The following FIRRM variants were observed in gnomAD, a reference collection of about 807,000 sequenced individuals.
FIRRM encodes the protein FIGNL1 interacting regulator of recombination and mitosis.
chr1:169,843,896 TTCA>T, the FIRRM span: 3 of 624,382 alleles, frequency 4.8e-6, no homozygotes, highest in South Asian at 1.9e-5. Flanking sequence ...TTGACTTGTC[TTCA>T]TCAAGGATAT....
the FIRRM span, chr1:169,829,266 A>G: frequency 5.8e-6 from 9 of 1,556,738 alleles, no homozygotes; most frequent in Non-Finnish European, 7.8e-6. Flanking sequence ...CCTGCAGGAT[A>G]TCTCTACTCA....
At chr1:169,853,621 G>C in the FIRRM span, 136 of 1,349,026 alleles carry the variant, frequency 1.0e-4, no homozygotes, top group Non-Finnish European at 1.4e-4. Flanking sequence ...AGGCCACTTT[G>C]GGGTTTTCTT....
the FIRRM span, among the ~76,000 whole-genome samples, chr1:169,794,195 C>T: frequency 2.0e-5 from 3 of 152,224 alleles, no homozygotes; most frequent in Non-Finnish European, 4.4e-5. Flanking sequence ...GACAGGACAG[C>T]CTAGCTACTT....
the FIRRM span, chr1:169,805,956 C>A: frequency 2.7e-6 from 3 of 1,095,866 alleles, no homozygotes; most frequent in African/African-American, 4.7e-5. Context: ...AGAAACTCAC[C>A]CCCATGACAT....
the FIRRM span, among the ~76,000 whole-genome samples, chr1:169,785,303 C>A: frequency 6.6e-6 from 1 of 152,318 alleles, no homozygotes; most frequent in South Asian, 2.1e-4. Flanking sequence ...CCTGAAAGCC[C>A]AAGTGGGCAT....
chr1:169,798,986 T>G, the FIRRM span: 1 of 958,188 alleles, frequency 1.0e-6, no homozygotes, highest in East Asian at 2.7e-5. Context: ...AACTGTATGA[T>G]GTACTTTGAT....
At chr1:169,853,869 T>C in the FIRRM span, 1 of 1,377,934 alleles carries the variant, frequency 7.3e-7, no homozygotes, top group African/African-American at 1.4e-5. Flanking sequence ...AATTTATCTT[T>C]TGATGCCAGA....
At chr1:169,838,581 C>A in the FIRRM span, among the ~76,000 whole-genome samples, 1 of 152,094 alleles carries the variant, frequency 6.6e-6, no homozygotes, top group East Asian at 1.9e-4. Flanking sequence ...CCTCTGCCTC[C>A]TGGGCTTAAG....
the FIRRM span, chr1:169,853,636 C>T: frequency 1.3e-6 from 2 of 1,522,592 alleles, no homozygotes; most frequent in Non-Finnish European, 1.8e-6. Context: ...TTTCTTGTCC[C>T]AAAGCCTGCT....
the FIRRM span, among the ~76,000 whole-genome samples, chr1:169,816,294 C>A: frequency 6.6e-6 from 1 of 152,156 alleles, no homozygotes; most frequent in African/African-American, 2.4e-5. Context: ...TCTCTTGTTT[C>A]TTCTGAGCAG....
the FIRRM span, among the ~76,000 whole-genome samples, chr1:169,844,535 A>G: frequency 6.6e-6 from 1 of 152,246 alleles, no homozygotes; most frequent in Non-Finnish European, 1.5e-5. Context: ...ATGTGGTGGA[A>G]CAGAAAGGAA....
chr1:169,800,994 T>C, the FIRRM span: 1 of 1,243,040 alleles, frequency 8.0e-7, no homozygotes, highest in Non-Finnish European at 1.2e-6. Flanking sequence ...TACCTGAAAA[T>C]ACATGTTATA....
chr1:169,826,126 G>T, the FIRRM span: 2 of 296,304 alleles, frequency 6.7e-6, no homozygotes, highest in East Asian at 1.0e-4. Flanking sequence ...AGGCTGGAGT[G>T]CAATGGCGAA....
chr1:169,801,445 C>CA, the FIRRM span, among the ~76,000 whole-genome samples: 20,318 of 61,516 alleles, frequency 0.33, 3,348 homozygotes, highest in East Asian at 0.57. Context: ...TGCTCCGTCT[C>CA]AAAAAAAAAA....
At chr1:169,828,162 G>A in the FIRRM span, among the ~76,000 whole-genome samples, 1 of 152,132 alleles carries the variant, frequency 6.6e-6, no homozygotes, top group Admixed American at 6.5e-5. Flanking sequence ...TAGAACACTA[G>A]ACACTGTAAG....
chr1:169,842,569 C>T, the FIRRM span: 1 of 1,596,042 alleles, frequency 6.3e-7, no homozygotes, highest in Non-Finnish European at 8.5e-7. Context: ...CTTTCCTTAT[C>T]AAAAAATAGA....
the FIRRM span, chr1:169,799,017 A>C: frequency 1.5e-6 from 1 of 659,762 alleles, no homozygotes; most frequent in African/African-American, 1.8e-5. Context: ...GAGTCCCCAC[A>C]TACCTCGGTA....
At chr1:169,845,559 T>TA in the FIRRM span, among the ~76,000 whole-genome samples, 1 of 152,266 alleles carries the variant, frequency 6.6e-6, no homozygotes, top group Non-Finnish European at 1.5e-5. Context: ...AGTGCTTTAA[T>TA]AACTCAGTTT....
chr1:169,794,920 C>T, the FIRRM span: 3 of 594,596 alleles, frequency 5.0e-6, no homozygotes, highest in African/African-American at 1.9e-5. Context: ...GTCGAGTCCT[C>T]CAGGGGCTAG....
Sources: gnomAD v4.1 joint callset for allele counts (sites outside exome capture counted in the v4.1 genomes callset) on GRCh38, gnomAD v4.1.1 for gene constraint, MANE v1.5 for transcripts, NCBI Gene and HGNC (gene_info 2026-07-23, HGNC 2026-07-21) for gene names.